The following ITPR2 variants were observed in gnomAD, a reference collection of about 807,000 sequenced individuals.
ITPR2 encodes the protein inositol 1,4,5-trisphosphate-gated calcium channel ITPR2.
In ITPR2, 207 loss-of-function variants were observed where a neutral mutation model predicts 317.1. The observed-to-expected ratio is 0.65, with a 90% confidence interval of 0.58 to 0.73. ITPR2 has a LOEUF of 0.73. Ranked by LOEUF, ITPR2 falls within the 30% of genes least tolerant of loss-of-function variation. ITPR2 has a pLI of 0.00. For missense variants in ITPR2, 2,613 were observed against 3,284.0 expected, an observed-to-expected ratio of 0.80 and a Z score of 4.99; for synonymous variants, 1,156 against 1,149.1, an observed-to-expected ratio of 1.01 and a Z score of -0.12.
At chr12:26,369,638 T>C (rs1939124242) in intron 55 of ITPR2, among the ~76,000 whole-genome samples, 1 of 152,160 alleles carries the variant, frequency 6.6e-6, no homozygotes, top group African/African-American at 2.4e-5. Context: ...CTTATACTAG[T>C]TTTGTCCCTG....
intron 2 of ITPR2, among the ~76,000 whole-genome samples, chr12:26,752,748 A>T (rs1212924652): frequency 6.6e-6 from 1 of 151,994 alleles, no homozygotes; most frequent in Non-Finnish European, 1.5e-5. Context: ...AGATCCAAGA[A>T]CCCTCTCTTG....
intron 20 of ITPR2, 120 bp downstream of exon 20, chr12:26,655,588 T>A: frequency 1.3e-6 from 1 of 798,050 alleles, no homozygotes; most frequent in Non-Finnish European, 1.8e-6. Context: ...CACTCCAGCC[T>A]GGGCGACCGA....
chr12:26,579,253 TA>T (rs1945340080), intron 33 of ITPR2, among the ~76,000 whole-genome samples: 1 of 152,196 alleles, frequency 6.6e-6, no homozygotes, highest in African/African-American at 2.4e-5. Flanking sequence ...TGGTTCTATC[TA>T]ATAGTTTAAA....
intron 16 of ITPR2, among the ~76,000 whole-genome samples, chr12:26,658,481 T>C (rs1442605456): frequency 6.6e-6 from 1 of 152,216 alleles, no homozygotes; most frequent in Non-Finnish European, 1.5e-5. Flanking sequence ...TCAAAGCTAA[T>C]GCTGTACTGA....
intron 37 of ITPR2, among the ~76,000 whole-genome samples, chr12:26,521,496 G>T (rs1158654149): frequency 2.0e-5 from 3 of 152,120 alleles, no homozygotes; most frequent in African/African-American, 7.2e-5. Flanking sequence ...TTCATTATAT[G>T]CAGTCAGGGG....
rs144360574 is a variant in ITPR2 at position 26,545,239 on chromosome 12, G to T, written c.5073+5008C>A. Among the ~76,000 whole-genome samples the T allele has an allele frequency of 9.9e-4, 151 of 152,242 alleles. 1 individual carries two copies. The highest frequency in any genetic ancestry group is 3.4e-3 in the African/African-American group (142 of 41,522). The stretch of plus-strand genomic sequence containing the variant: ...TTACCTCACATGCCAAAAGGGATTC[G>T]GCAGGTGTGATTTGAGTTAAGGCTC... On this transcript the variant is annotated intron_variant, in intron 37 of 56. Coordinates refer to ENST00000381340, the MANE Select transcript of ITPR2 (RefSeq NM_002223.4).
chr12:26,657,913 C>G (rs766101698), intron 17 of ITPR2, 21 bp from the exon 18 acceptor site: 81 of 1,608,602 alleles, frequency 5.0e-5, no homozygotes, highest in Non-Finnish European at 6.9e-5. Context: ...ATAGCACATA[C>G]AAAAATCTAC....
chr12:26,782,029 TATATGTATAGAGAG>T (rs1487599001), intron 2 of ITPR2, among the ~76,000 whole-genome samples: 14 of 24,132 alleles, frequency 5.8e-4, no homozygotes, highest in East Asian at 5.5e-3. Flanking sequence ...TATATATATA[TATATGTATAGAGAG>T]AGAGAGAGAG....
intron 32 of ITPR2, among the ~76,000 whole-genome samples, chr12:26,582,898 G>C (rs1945437464): frequency 6.6e-6 from 1 of 152,148 alleles, no homozygotes. Context: ...ATTACAGAGT[G>C]GAAGAGAAAG....
At chr12:26,537,085 G>A (rs1228040418) in intron 37 of ITPR2, among the ~76,000 whole-genome samples, 1 of 152,176 alleles carries the variant, frequency 6.6e-6, no homozygotes. Flanking sequence ...TAGAGAAGAG[G>A]ACAAGGATAG....
chr12:26,781,992 GTATATATATATATATATATATATATATA>G (rs1161714052), intron 2 of ITPR2, among the ~76,000 whole-genome samples: 6 of 56,968 alleles, frequency 1.1e-4, no homozygotes, highest in African/African-American at 1.4e-4. Flanking sequence ...AAACTCCCCT[GTATATATATATATATATATATATATATA>G]TATATATATA....
At chr12:26,622,142 C>T in intron 25 of ITPR2, 98 bp downstream of exon 25, 1 of 1,059,868 alleles carries the variant, frequency 9.4e-7, no homozygotes, top group Non-Finnish European at 1.3e-6. Context: ...GGAAAAGCCA[C>T]ACAGTGTCAT....
intron 13 of ITPR2, among the ~76,000 whole-genome samples, chr12:26,676,702 CT>C (rs1164414965): frequency 6.6e-6 from 1 of 151,106 alleles, no homozygotes; most frequent in Non-Finnish European, 1.5e-5. Flanking sequence ...TAATTAATCA[CT>C]AAAAAAACTT....
chr12:26,456,217 G>A (rs1941881250), intron 45 of ITPR2, among the ~76,000 whole-genome samples: 1 of 152,202 alleles, frequency 6.6e-6, no homozygotes, highest in South Asian at 2.1e-4. Context: ...ACAGGCTGCA[G>A]TAAAGAAGCT....
chr12:26,353,845 T>TACAC (rs71906542), intron 55 of ITPR2, among the ~76,000 whole-genome samples: 3 of 151,434 alleles, frequency 2.0e-5, no homozygotes, highest in Non-Finnish European at 2.9e-5. Context: ...AGGAAAACTA[T>TACAC]ACACACACAC....
chr12:26,729,151 G>A (rs1592076605), intron 2 of ITPR2, among the ~76,000 whole-genome samples: 1 of 151,986 alleles, frequency 6.6e-6, no homozygotes, highest in South Asian at 2.1e-4. Context: ...GTGGGCAAAG[G>A]ACATGAACAG....
At chr12:26,477,579 G>A (rs182786724) in intron 43 of ITPR2, among the ~76,000 whole-genome samples, 3 of 152,134 alleles carry the variant, frequency 2.0e-5, no homozygotes, top group African/African-American at 4.8e-5. Context: ...TATGGCAGGC[G>A]ATATGCAACT....
intron 55 of ITPR2, among the ~76,000 whole-genome samples, chr12:26,386,234 A>C (rs147274758): frequency 1.3e-5 from 2 of 152,296 alleles, no homozygotes; most frequent in Admixed American, 6.5e-5. Flanking sequence ...CCTCTGATTT[A>C]AAAGGAGGAG....
chr12:26,588,642 G>A (rs938320316), intron 32 of ITPR2, among the ~76,000 whole-genome samples: 1 of 152,070 alleles, frequency 6.6e-6, no homozygotes, highest in African/African-American at 2.4e-5. Context: ...TAAGTTAAGG[G>A]AGCAAAAATT....
Sources: gnomAD v4.1 joint callset for allele counts (sites outside exome capture counted in the v4.1 genomes callset) on GRCh38, gnomAD v4.1.1 for gene constraint, MANE v1.5 for transcripts, NCBI Gene and HGNC (gene_info 2026-07-23, HGNC 2026-07-21) for gene names.